BTRC: variants seen among roughly 807,000 people sequenced by gnomAD.
BTRC encodes beta-transducin repeat containing E3 ubiquitin protein ligase.
Under a neutral mutation model 85.5 loss-of-function variants are expected in BTRC, and 42 were observed. The observed-to-expected ratio is 0.49, with a 90% CI of 0.38 to 0.64. BTRC has a LOEUF of 0.64. Ranked by LOEUF, BTRC falls within the 30% of genes least tolerant of loss-of-function variation. The pLI, the probability that BTRC is intolerant of heterozygous loss-of-function variation, is 0.00. For synonymous variants in BTRC, 255 were observed against 263.3 expected (o/e 0.97, Z 0.30); for missense variants, 594 against 743.5 (o/e 0.80, Z 2.34).
At chr10:101,480,234 T>A (rs1190899953) in intron 4 of BTRC, among the ~76,000 whole-genome samples, 1 of 152,232 alleles carries the variant, frequency 6.6e-6, no homozygotes, top group Non-Finnish European at 1.5e-5. Flanking sequence ...TATTTTAGTT[T>A]AACCTATTTT....
chr10:101,507,082 C>T (rs9419919), intron 4 of BTRC, among the ~76,000 whole-genome samples: 56,881 of 152,034 alleles, frequency 0.37, 11,751 homozygotes, highest in Middle Eastern at 0.49. Context: ...ATACAATGTA[C>T]TTGTTTCCTT....
At chr10:101,376,326 A>G (rs1031292774) in intron 1 of BTRC, among the ~76,000 whole-genome samples, 1 of 152,044 alleles carries the variant, frequency 6.6e-6, no homozygotes, top group Non-Finnish European at 1.5e-5. Flanking sequence ...CTCCATCTCA[A>G]CAACAACAAC....
intron 2 of BTRC, among the ~76,000 whole-genome samples, chr10:101,446,003 T>A (rs1483725868): frequency 6.6e-6 from 1 of 152,184 alleles, no homozygotes; most frequent in African/African-American, 2.4e-5. Context: ...AGATTGCTTT[T>A]TCAATCCATT....
chr10:101,502,079 A>G (rs1361228654), intron 4 of BTRC, among the ~76,000 whole-genome samples: 1 of 152,212 alleles, frequency 6.6e-6, no homozygotes, highest in Non-Finnish European at 1.5e-5. Flanking sequence ...ACAGGGTAGT[A>G]GAGTTTTTCT....
chr10:101,393,016 C>T (rs543943044), intron 1 of BTRC, among the ~76,000 whole-genome samples: 4 of 152,114 alleles, frequency 2.6e-5, no homozygotes, highest in Non-Finnish European at 5.9e-5. Flanking sequence ...CAGGGCAGGA[C>T]TCTAATCTCC....
chr10:101,420,193 T>C (rs1027952266), intron 1 of BTRC, among the ~76,000 whole-genome samples: 2 of 152,158 alleles, frequency 1.3e-5, no homozygotes, highest in African/African-American at 4.8e-5. Context: ...TTTCTTTCTT[T>C]CTATACTTGT....
At chr10:101,535,047 A>G in intron 10 of BTRC, 137 bp downstream of exon 10, 1 of 1,038,826 alleles carries the variant, frequency 9.6e-7, no homozygotes, top group Non-Finnish European at 1.4e-6. Flanking sequence ...CTACAAGTGA[A>G]AAGGTGTAAT....
intron 3 of BTRC, among the ~76,000 whole-genome samples, chr10:101,462,803 C>T (rs980201370): frequency 9.2e-5 from 14 of 152,088 alleles, no homozygotes; most frequent in South Asian, 8.3e-4. Flanking sequence ...AAACAAGAAA[C>T]GCAAGTTCTT....
At chr10:101,489,179 G>T (rs1564803447) in intron 4 of BTRC, among the ~76,000 whole-genome samples, 1 of 151,914 alleles carries the variant, frequency 6.6e-6, no homozygotes, top group Non-Finnish European at 1.5e-5. Flanking sequence ...CATTCATTTA[G>T]ACTTGTATGT....
intron 2 of BTRC, among the ~76,000 whole-genome samples, chr10:101,441,784 G>A (rs1445564513): frequency 6.6e-6 from 1 of 150,676 alleles, no homozygotes; most frequent in African/African-American, 2.4e-5. Context: ...GGGAGGCTAA[G>A]GCACGCGAAT....
intron 1 of BTRC, among the ~76,000 whole-genome samples, chr10:101,388,823 T>TTGGATATGA (rs1335395224): frequency 6.6e-6 from 1 of 152,202 alleles, no homozygotes; most frequent in African/African-American, 2.4e-5. Context: ...TAAGAGATAG[T>TTGGATATGA]TGGATATGAT....
chr10:101,460,936 T>C (rs1945207801), intron 2 of BTRC, among the ~76,000 whole-genome samples: 2 of 152,180 alleles, frequency 1.3e-5, no homozygotes, highest in African/African-American at 4.8e-5. Flanking sequence ...GGAACCTTGC[T>C]CTGTCACTCA....
chr10:101,466,603 A>C (rs1945379479), intron 3 of BTRC, among the ~76,000 whole-genome samples: 1 of 152,212 alleles, frequency 6.6e-6, no homozygotes, highest in Admixed American at 6.5e-5. Context: ...GATACTTTGC[A>C]GTCTTTAAAG....
At chr10:101,459,302 T>C (rs778681871) in intron 2 of BTRC, among the ~76,000 whole-genome samples, 3 of 152,168 alleles carry the variant, frequency 2.0e-5, no homozygotes, top group South Asian at 2.1e-4. Context: ...TTGAGAACTG[T>C]TGAGGTGACT....
chr10:101,456,770 G>C (rs1280650936), intron 2 of BTRC, among the ~76,000 whole-genome samples: 2 of 152,116 alleles, frequency 1.3e-5, no homozygotes, highest in Non-Finnish European at 2.9e-5. Context: ...AGTTGACAGG[G>C]AGACTTTCAT....
chr10:101,482,583 G>A (rs1470945958), intron 4 of BTRC, among the ~76,000 whole-genome samples: 2 of 151,612 alleles, frequency 1.3e-5, no homozygotes, highest in Non-Finnish European at 2.9e-5. Flanking sequence ...TTTTAGTAGA[G>A]ACGGGGTTTC....
intron 2 of BTRC, among the ~76,000 whole-genome samples, chr10:101,446,350 C>T (rs927447268): frequency 2.0e-5 from 3 of 152,046 alleles, no homozygotes; most frequent in Admixed American, 1.3e-4. Context: ...TGTCTCTTGC[C>T]TTTTTCTGTA....
At chr10:101,456,803 A>G (rs1945095062) in intron 2 of BTRC, among the ~76,000 whole-genome samples, 1 of 152,220 alleles carries the variant, frequency 6.6e-6, no homozygotes, top group Non-Finnish European at 1.5e-5. Flanking sequence ...ATTCTAAGCT[A>G]GTAAGCACTG....
intron 4 of BTRC, among the ~76,000 whole-genome samples, chr10:101,510,074 C>T (rs1227573120): frequency 6.6e-6 from 1 of 151,872 alleles, no homozygotes; most frequent in Non-Finnish European, 1.5e-5. Flanking sequence ...GCGGAGGTTG[C>T]AGTGAGCCGA....
Sources: gnomAD v4.1 joint callset for allele counts (sites outside exome capture counted in the v4.1 genomes callset) on GRCh38, gnomAD v4.1.1 for gene constraint, MANE v1.5 for transcripts, NCBI Gene and HGNC (gene_info 2026-07-23, HGNC 2026-07-21) for gene names.